The following NXN variants were observed in gnomAD, a reference collection of about 807,000 sequenced individuals.
NXN encodes nucleoredoxin.
Under a neutral mutation model 48.6 loss-of-function variants are expected in NXN, and 16 were observed. The observed-to-expected ratio is 0.33, with a 90% CI of 0.22 to 0.50. The LOEUF (loss-of-function observed/expected upper bound fraction) is 0.50. Among genes scored for constraint, NXN ranks in the 20% least tolerant of loss-of-function variants. The pLI is 0.98. For synonymous variants in NXN, 281 were observed against 269.6 expected, an observed-to-expected ratio of 1.04 and a Z score of -0.41; for missense variants, 492 against 605.5, an observed-to-expected ratio of 0.81 and a Z score of 1.97.
At chr17:843,080 C>T (rs997971842) in intron 1 of NXN, among the ~76,000 whole-genome samples, 21 of 151,326 alleles carry the variant, frequency 1.4e-4, no homozygotes, top group Admixed American at 1.4e-3. Flanking sequence ...AGCAAGCAAG[C>T]TGCACCTTCA....
At chr17:801,225 C>A in intron 7 of NXN, 94 bp from the exon 8 acceptor site, 4 of 1,015,328 alleles carry the variant, frequency 3.9e-6, no homozygotes, top group South Asian at 5.9e-5. Context: ...TGGTAGCTCC[C>A]GCACCCTGAA....
chr17:813,255 G>T (rs1191270568), intron 5 of NXN, among the ~76,000 whole-genome samples: 3 of 152,240 alleles, frequency 2.0e-5, no homozygotes, highest in African/African-American at 7.2e-5. Context: ...ATCCTCAGAG[G>T]CAAAGAAAGG....
chr17:902,926 C>T (rs1390196747), intron 1 of NXN, among the ~76,000 whole-genome samples: 1 of 151,682 alleles, frequency 6.6e-6, no homozygotes, highest in Admixed American at 6.6e-5. Context: ...TGCACCATCA[C>T]GTCTGGCTAA....
At chr17:973,410 C>T (rs1245983053) in intron 1 of NXN, among the ~76,000 whole-genome samples, 1 of 152,166 alleles carries the variant, frequency 6.6e-6, no homozygotes, top group Non-Finnish European at 1.5e-5. Context: ...TTTGGGAAAC[C>T]ACAAAATGAT....
At chr17:842,067 C>T (rs1914357467) in intron 1 of NXN, among the ~76,000 whole-genome samples, 1 of 152,072 alleles carries the variant, frequency 6.6e-6, no homozygotes, top group African/African-American at 2.4e-5. Context: ...ACCTGGGAGG[C>T]AGAGGTTGCA....
chr17:831,081 A>G (rs74426014), intron 1 of NXN, among the ~76,000 whole-genome samples: 11,730 of 152,146 alleles, frequency 0.077, 577 homozygotes, highest in Middle Eastern at 0.14. Flanking sequence ...AACTGCAAGA[A>G]CAATGTGCTT....
chr17:903,941 C>T (rs973332472), intron 1 of NXN, among the ~76,000 whole-genome samples: 3 of 152,154 alleles, frequency 2.0e-5, no homozygotes, highest in Non-Finnish European at 2.9e-5. Context: ...ATTCACGCTC[C>T]CTTGTTTGTG....
intron 5 of NXN, among the ~76,000 whole-genome samples, chr17:814,167 C>T (rs923154958): frequency 4.9e-5 from 7 of 143,194 alleles, no homozygotes; most frequent in African/African-American, 1.8e-4. Flanking sequence ...GAGGCTGACG[C>T]AGGAGAACGG....
At chr17:868,717 T>C (rs879485304) in intron 1 of NXN, among the ~76,000 whole-genome samples, 20 of 152,066 alleles carry the variant, frequency 1.3e-4, no homozygotes, top group South Asian at 4.2e-4. Context: ...TGGTCTCGAT[T>C]TCCTGACCTC....
chr17:914,775 G>T (rs1034953062), intron 1 of NXN, among the ~76,000 whole-genome samples: 75 of 152,292 alleles, frequency 4.9e-4, no homozygotes, highest in African/African-American at 1.7e-3. Context: ...AAGACTGTTG[G>T]GTGTAGAGGA....
chr17:945,548 G>A (rs1454631473), intron 1 of NXN, among the ~76,000 whole-genome samples: 2 of 150,172 alleles, frequency 1.3e-5, no homozygotes, highest in African/African-American at 2.5e-5. Flanking sequence ...GGAGAATGGC[G>A]TGAACCCGGG....
intron 1 of NXN, among the ~76,000 whole-genome samples, chr17:941,264 T>C (rs1375936377): frequency 3.2e-4 from 39 of 122,566 alleles, no homozygotes; most frequent in Non-Finnish European, 4.0e-4. Flanking sequence ...GATTCCAGGG[T>C]GCAGCCATGA....
intron 1 of NXN, among the ~76,000 whole-genome samples, chr17:971,503 G>A (rs2069377772): frequency 1.3e-5 from 2 of 151,808 alleles, no homozygotes; most frequent in Non-Finnish European, 1.5e-5. Flanking sequence ...GAGGTCAGGA[G>A]TTCAAGACCA....
rs62067126 is a variant in NXN, at chr17:841,458, C to T, written c.361-15380G>A. Among the ~76,000 whole-genome samples, 240 of 54,190 alleles carry T rather than the reference C, an allele frequency of 4.4e-3. 10 individuals carry two copies. The highest frequency in any genetic ancestry group is 0.021 in the African/African-American group (228 of 11,026). 35.6% of individuals were successfully genotyped at this position (54,190 alleles called of 152,430 possible). On this transcript the variant is annotated intron_variant, in intron 1 of 7. Transcript: ENST00000336868. ...GGCGAGCAGGTCCCCCTGACCACGG[C>T]GCATCTCACACGGGCGAGCAGGTCC...
chr17:882,888 T>C (rs2068301399), intron 1 of NXN, among the ~76,000 whole-genome samples: 1 of 151,804 alleles, frequency 6.6e-6, no homozygotes, highest in African/African-American at 2.4e-5. Flanking sequence ...TCAGCTTCCC[T>C]AGTAGCTGGA....
intron 1 of NXN, among the ~76,000 whole-genome samples, chr17:844,782 A>G (rs2067841516): frequency 6.6e-6 from 1 of 152,048 alleles, no homozygotes; most frequent in Non-Finnish European, 1.5e-5. Flanking sequence ...ACAGGGTTTC[A>G]TCATGTTGCC....
intron 1 of NXN, chr17:864,068 G>A (rs1205668852): frequency 8.8e-6 from 13 of 1,469,696 alleles, no homozygotes; most frequent in Non-Finnish European, 1.2e-5. Flanking sequence ...TTCCGGTGAA[G>A]GGGCACAGTT....
chr17:930,991 G>A (rs184087194), intron 1 of NXN, among the ~76,000 whole-genome samples: 5 of 152,086 alleles, frequency 3.3e-5, no homozygotes, highest in Admixed American at 1.3e-4. Context: ...GGCTGGTCTC[G>A]AACTCCTGAC....
At chr17:948,775 C>G (rs901021548) in intron 1 of NXN, among the ~76,000 whole-genome samples, 1 of 151,778 alleles carries the variant, frequency 6.6e-6, no homozygotes, top group Non-Finnish European at 1.5e-5. Flanking sequence ...ATCCACATCC[C>G]GGGACACGAG....
Sources: gnomAD v4.1 joint callset for allele counts (sites outside exome capture counted in the v4.1 genomes callset) on GRCh38, gnomAD v4.1.1 for gene constraint, MANE v1.5 for transcripts, NCBI Gene and HGNC (gene_info 2026-07-23, HGNC 2026-07-21) for gene names.